Variants in ESR1 observed in about 807,000 individuals in gnomAD.
ESR1 encodes estrogen receptor 1, also known as estrogen receptor.
A neutral mutation model predicts 52.7 loss-of-function variants in ESR1; 12 were observed. The observed-to-expected ratio is 0.23, with a 90% CI of 0.15 to 0.37. The LOEUF (loss-of-function observed/expected upper bound fraction) is 0.37, where lower values mean the gene tolerates loss of function less well. Ranked by LOEUF, ESR1 falls within the 10% of genes least tolerant of loss-of-function variation. The pLI, the probability that ESR1 is intolerant of heterozygous loss-of-function variation, is 1.00. For synonymous variants in ESR1, 305 were observed against 316.8 expected (o/e 0.96, Z 0.39); for missense variants, 584 against 779.7 (o/e 0.75, Z 2.99).
chr6:151,848,335 G>A (rs1467353066), intron 2 of ESR1, among the ~76,000 whole-genome samples: 9 of 104,294 alleles, frequency 8.6e-5, no homozygotes, highest in South Asian at 4.4e-4. Context: ...TGGTGGGGTC[G>A]GGGGAGGGGG....
At chr6:152,015,971 C>A (rs1027297188) in intron 5 of ESR1, among the ~76,000 whole-genome samples, 1 of 152,110 alleles carries the variant, frequency 6.6e-6, no homozygotes, top group African/African-American at 2.4e-5. Flanking sequence ...TGTTCCCACC[C>A]AAATTTCACC....
intron 2 of ESR1, among the ~76,000 whole-genome samples, chr6:151,740,862 C>A (rs1331304881): frequency 6.6e-6 from 1 of 152,162 alleles, no homozygotes; most frequent in Non-Finnish European, 1.5e-5. Context: ...AGTGTTGGGA[C>A]TGATGTTCTG....
intron 1 of ESR1, among the ~76,000 whole-genome samples, chr6:151,662,376 C>A (rs1190137206): frequency 6.6e-6 from 1 of 152,070 alleles, no homozygotes; most frequent in African/African-American, 2.4e-5. Context: ...TGATCATTTC[C>A]TTTCCTCTTT....
chr6:151,690,281 G>A (rs551300209), upstream of ESR1, among the ~76,000 whole-genome samples: 3 of 151,930 alleles, frequency 2.0e-5, no homozygotes, highest in South Asian at 2.1e-4. Flanking sequence ...AGAGAAAATC[G>A]GCTGGATGGC....
intron 6 of ESR1, among the ~76,000 whole-genome samples, chr6:152,073,720 A>T (rs2048519134): frequency 6.6e-6 from 1 of 152,162 alleles, no homozygotes; most frequent in Admixed American, 6.5e-5. Context: ...ACTGGGCCAG[A>T]AGTGAGGGAT....
rs1465636555 is a variant in ESR1, at chr6:151,917,312, C to T, written c.761-26861C>T. ...GTGTCTTAGTTATTCCTCTTGGCTA[C>T]AGAATGCCAACCAGTAGGAGATTCA... On this transcript the variant is annotated intron_variant, in intron 3 of 7. Transcript: ENST00000206249. Among the ~76,000 whole-genome samples the T allele has an allele frequency of 3.9e-5, 6 of 152,252 alleles. No individual in the cohort carries two copies. The East Asian group carries it at 1.2e-3, about 29-fold the overall frequency.
intron 6 of ESR1, among the ~76,000 whole-genome samples, chr6:152,110,348 T>C (rs1250683766): frequency 1.3e-5 from 2 of 152,150 alleles, no homozygotes; most frequent in African/African-American, 4.8e-5. Flanking sequence ...TATGCAGCCA[T>C]GAAAAGAATG....
At chr6:152,093,838 C>G (rs1259201784) in intron 6 of ESR1, among the ~76,000 whole-genome samples, 1 of 152,200 alleles carries the variant, frequency 6.6e-6, no homozygotes, top group Non-Finnish European at 1.5e-5. Context: ...TCATCACTCT[C>G]TGTCTCTGAA....
intron 2 of ESR1, among the ~76,000 whole-genome samples, chr6:151,853,169 C>CAAAAAAAAAA (rs386408969): frequency 5.6e-4 from 24 of 42,890 alleles, no homozygotes; most frequent in East Asian, 9.3e-4. Flanking sequence ...AGACTCGTCT[C>CAAAAAAAAAA]AAAAAAAAAA....
chr6:151,773,004 T>A (rs927030309), intron 2 of ESR1, among the ~76,000 whole-genome samples: 6 of 152,202 alleles, frequency 3.9e-5, no homozygotes, highest in African/African-American at 1.2e-4. Context: ...TCAAAAATGA[T>A]ATGTTGAGGT....
chr6:151,698,288 C>T (rs1779517434), intron 1 of ESR1, among the ~76,000 whole-genome samples: 1 of 151,886 alleles, frequency 6.6e-6, no homozygotes, highest in African/African-American at 2.4e-5. Flanking sequence ...ATGACTTAAG[C>T]CCAGGAGATC....
At chr6:151,827,887 T>C (rs1040914857) in intron 1 of ESR1, among the ~76,000 whole-genome samples, 1 of 152,194 alleles carries the variant, frequency 6.6e-6, no homozygotes, top group African/African-American at 2.4e-5. Flanking sequence ...ATCAAGCATC[T>C]GGCTTCATGA....
At chr6:151,780,165 T>A (rs1177787713) in intron 2 of ESR1, among the ~76,000 whole-genome samples, 1 of 151,692 alleles carries the variant, frequency 6.6e-6, no homozygotes, top group Non-Finnish European at 1.5e-5. Context: ...AATGAGAACA[T>A]ATTTGCACAG....
intron 2 of ESR1, among the ~76,000 whole-genome samples, chr6:151,747,126 T>C (rs1428981684): frequency 6.6e-6 from 1 of 152,218 alleles, no homozygotes; most frequent in South Asian, 2.1e-4. Context: ...AAATGTGGAC[T>C]AATCAATGAT....
At chr6:151,778,183 A>G (rs937973432) in intron 2 of ESR1, among the ~76,000 whole-genome samples, 2 of 152,104 alleles carry the variant, frequency 1.3e-5, no homozygotes, top group African/African-American at 4.8e-5. Flanking sequence ...ACTTATATAA[A>G]CTACCTAGAA....
intron 5 of ESR1, among the ~76,000 whole-genome samples, chr6:152,036,762 A>G (rs1357932076): frequency 6.6e-6 from 1 of 152,224 alleles, no homozygotes; most frequent in Non-Finnish European, 1.5e-5. Context: ...ACAACACAAT[A>G]AGACTCAAAA....
intron 1 of ESR1, among the ~76,000 whole-genome samples, chr6:151,678,816 A>G (rs985867634): frequency 1.3e-5 from 2 of 151,832 alleles, no homozygotes; most frequent in African/African-American, 4.8e-5. Flanking sequence ...CCTCCAGAGC[A>G]GCTGGGACCA....
At chr6:151,953,068 A>C (rs542744553) in intron 4 of ESR1, among the ~76,000 whole-genome samples, 4 of 152,280 alleles carry the variant, frequency 2.6e-5, no homozygotes, top group Admixed American at 1.3e-4. Flanking sequence ...TGGACTGACT[A>C]TAGTATAGCT....
intron 5 of ESR1, among the ~76,000 whole-genome samples, chr6:152,043,138 G>T (rs2982732): frequency 6.6e-6 from 1 of 152,030 alleles, no homozygotes; most frequent in East Asian, 1.9e-4. Context: ...CACCATCCCA[G>T]TCTCCATAAG....
Sources: allele counts gnomAD v4.1 joint callset (sites outside exome capture counted in the v4.1 genomes callset), GRCh38; gene constraint gnomAD v4.1.1; transcripts MANE v1.5; gene names NCBI Gene and HGNC (gene_info 2026-07-23, HGNC 2026-07-21).